Variants in XPO7 observed in about 807,000 individuals in gnomAD.
The protein encoded by XPO7 is exportin-7.
In XPO7, 21 loss-of-function variants were observed where a neutral mutation model predicts 144.3. The observed-to-expected ratio is 0.15, with a 90% CI of 0.10 to 0.21. XPO7 has a LOEUF of 0.21. Ranked by LOEUF, XPO7 falls within the 10% of genes least tolerant of loss-of-function variation. The pLI is 1.00. For synonymous variants in XPO7, 580 were observed against 499.6 expected, an observed-to-expected ratio of 1.16 and a Z score of -2.15; for missense variants, 808 against 1,325.8, an observed-to-expected ratio of 0.61 and a Z score of 6.06.
intron 1 of XPO7, among the ~76,000 whole-genome samples, chr8:21,926,987 A>G (rs1810478447): frequency 6.6e-6 from 1 of 152,224 alleles, no homozygotes; most frequent in Non-Finnish European, 1.5e-5. Flanking sequence ...CTTAGTCTTA[A>G]TATTTTGAAC....
Position 22,005,332 on chromosome 8 carries a change from C to T in XPO7, c.*244C>T, listed in dbSNP as rs888203050. The T allele has an allele frequency of 9.0e-6, 3 of 333,162 alleles. No homozygotes were observed. Among genetic ancestry groups the T allele is most frequent in the Admixed American group, 4.8e-5 (1 of 20,728 alleles). 20.6% of individuals were successfully genotyped at this position (333,162 alleles called of 1,614,324 possible). On this transcript the variant is annotated 3_prime_UTR_variant, in exon 28 of 28. Coordinates refer to ENST00000252512, the MANE Select transcript of XPO7 (RefSeq NM_015024.5). Reference sequence around the variant, plus strand: ...GGGTGGTGGGAGGAGATAAGAGATACAAACTGAGACTCCAGCCTCTCCTCC... The same window carrying T: ...GGGTGGTGGGAGGAGATAAGAGATATAAACTGAGACTCCAGCCTCTCCTCC...
At chr8:21,989,117 A>G (rs939442442) in intron 16 of XPO7, 34 bp downstream of exon 16, 8 of 1,585,398 alleles carry the variant, frequency 5.0e-6, no homozygotes, top group African/African-American at 4.0e-5. Context: ...TGTGCACAAC[A>G]GAAACTGGCA....
chr8:21,960,703 A>T (rs1811699215), intron 1 of XPO7, among the ~76,000 whole-genome samples: 1 of 152,232 alleles, frequency 6.6e-6, no homozygotes, highest in Non-Finnish European at 1.5e-5. Flanking sequence ...ACCGTAGTAG[A>T]CATACACAGC....
chr8:21,976,941 G>A (rs1186623835), intron 7 of XPO7, among the ~76,000 whole-genome samples: 1 of 152,228 alleles, frequency 6.6e-6, no homozygotes, highest in Non-Finnish European at 1.5e-5. Flanking sequence ...CTACAGGTGT[G>A]AGCCACTGTG....
At chr8:21,925,994 A>G (rs1169662596) in intron 1 of XPO7, among the ~76,000 whole-genome samples, 6 of 152,206 alleles carry the variant, frequency 3.9e-5, no homozygotes, top group Non-Finnish European at 8.8e-5. Flanking sequence ...CAGTAACGAA[A>G]GAGGTCTCTT....
chr8:21,928,076 C>T (rs1397163497), intron 1 of XPO7, among the ~76,000 whole-genome samples: 1 of 152,206 alleles, frequency 6.6e-6, no homozygotes, highest in African/African-American at 2.4e-5. Context: ...TGGAACATTT[C>T]CTCTTTGCAG....
chr8:21,965,716 TC>T (rs1285606105), intron 1 of XPO7, among the ~76,000 whole-genome samples: 1 of 152,230 alleles, frequency 6.6e-6, no homozygotes, highest in Admixed American at 6.5e-5. Context: ...CCAAAGGCTT[TC>T]CTACTTAGTG....
intron 21 of XPO7, among the ~76,000 whole-genome samples, chr8:21,997,734 C>A (rs570297364): frequency 6.6e-6 from 1 of 151,934 alleles, no homozygotes; most frequent in Non-Finnish European, 1.5e-5. Flanking sequence ...TTAAAGGCTA[C>A]CATGTGAAGA....
chr8:21,980,308 T>C, intron 9 of XPO7, 105 bp downstream of exon 9: 1 of 1,336,890 alleles, frequency 7.5e-7, no homozygotes, highest in Non-Finnish European at 9.9e-7. Flanking sequence ...TTCAGTCTGT[T>C]CTTCAGGGAA....
At position 21,970,330 on chromosome 8, in the gene XPO7, T is replaced by G. The variant is rs764118702; in HGVS notation, c.426+20T>G. ...TTACAGGTACAGTGTATATATTTGA[T>G]GTAATGGGAATGGGAGAACCAGCAT... On this transcript the variant is annotated intron_variant, in intron 4 of 27. Coordinates refer to ENST00000252512, the MANE Select transcript of XPO7 (RefSeq NM_015024.5). 2.5e-6 allele frequency: 4 copies of G among 1,605,718 alleles called. No homozygotes were observed. The highest frequency in any genetic ancestry group is 3.4e-6 in the Non-Finnish European group (4 of 1,176,034).
chr8:21,943,680 T>C (rs980609179), intron 1 of XPO7, among the ~76,000 whole-genome samples: 3 of 152,210 alleles, frequency 2.0e-5, no homozygotes, highest in Non-Finnish European at 4.4e-5. Context: ...AAGGTGAGAA[T>C]TCTTGTTTTC....
At chr8:21,929,495 C>T (rs1810574066) in intron 1 of XPO7, among the ~76,000 whole-genome samples, 3 of 152,306 alleles carry the variant, frequency 2.0e-5, no homozygotes, top group South Asian at 4.1e-4. Flanking sequence ...TCTGCCAAAG[C>T]ATTTTGCAAA....
At chr8:21,950,246 A>G (rs17581959) in intron 1 of XPO7, among the ~76,000 whole-genome samples, 19,488 of 152,284 alleles carry the variant, frequency 0.13, 1,608 homozygotes, top group East Asian at 0.37. Flanking sequence ...AAGCAGGAAC[A>G]GAAATTTAAG....
chr8:21,922,621 G>A (rs1008948706), intron 1 of XPO7, among the ~76,000 whole-genome samples: 2 of 152,164 alleles, frequency 1.3e-5, no homozygotes, highest in African/African-American at 4.8e-5. Context: ...GTGAACAGTG[G>A]TGATGAAGAA....
At chr8:21,984,438 C>T (rs543657853) in intron 11 of XPO7, among the ~76,000 whole-genome samples, 9 of 152,124 alleles carry the variant, frequency 5.9e-5, no homozygotes, top group Non-Finnish European at 7.3e-5. Flanking sequence ...CACCAACAAG[C>T]AGAATATACC....
intron 1 of XPO7, among the ~76,000 whole-genome samples, chr8:21,954,746 C>T (rs1585437390): frequency 2.0e-5 from 3 of 152,168 alleles, no homozygotes; most frequent in Non-Finnish European, 4.4e-5. Context: ...CTCTTGGAAA[C>T]CAGAACTTAA....
chr8:21,989,605 C>T (rs943707223), intron 16 of XPO7, among the ~76,000 whole-genome samples: 4 of 152,018 alleles, frequency 2.6e-5, no homozygotes, highest in East Asian at 1.9e-4. Context: ...ACTTTCTTCT[C>T]GCTTTTCCAA....
rs776704161 is a variant in XPO7, at chr8:21,966,964, T to C, written c.126T>C (p.Asp42=). Residue 42 remains aspartate, a synonymous_variant, in exon 2 of 28, where the codon GAT becomes GAC. Coordinates refer to ENST00000252512, the MANE Select transcript of XPO7 (RefSeq NM_015024.5). ...KALVEFTNSP[D]CLSKCQLLLE... is the part of the protein sequence containing the mutation. Reference sequence around the variant, plus strand: ...TGGTTGAATTTACCAACAGCCCTGATTGCCTGAGCAAGTGCCAGCTACTCC... The same window carrying C: ...TGGTTGAATTTACCAACAGCCCTGACTGCCTGAGCAAGTGCCAGCTACTCC... 1.9e-6 allele frequency: 3 copies of C among 1,613,932 alleles called. No individual in the cohort carries two copies. Among genetic ancestry groups the C allele is most frequent in the Admixed American group, 1.7e-5 (1 of 60,022 alleles).
chr8:21,977,318 C>T (rs566258178), intron 7 of XPO7, among the ~76,000 whole-genome samples: 41 of 152,300 alleles, frequency 2.7e-4, no homozygotes, highest in Non-Finnish European at 5.0e-4. Flanking sequence ...TGGTGGCTCA[C>T]GCCTGTAATC....
Sources: gnomAD v4.1 joint callset for allele counts (sites outside exome capture counted in the v4.1 genomes callset) on GRCh38, gnomAD v4.1.1 for gene constraint, MANE v1.5 for transcripts, NCBI Gene and HGNC (gene_info 2026-07-23, HGNC 2026-07-21) for gene names.